The following CDH22 variants were observed in gnomAD, a reference collection of about 807,000 sequenced individuals.
CDH22 encodes the protein cadherin-22.
Under a neutral mutation model 58.4 loss-of-function variants are expected in CDH22, and 30 were observed. That is an observed-to-expected ratio of 0.51 (90% CI 0.38 to 0.70). The LOEUF is 0.70. CDH22 is among the 30% of genes least tolerant of loss of function. The probability of loss-of-function intolerance (pLI) is 0.00; values close to 1 mark genes in which losing one functional copy is unlikely to be tolerated. For synonymous variants in CDH22, 513 were observed against 558.2 expected, an observed-to-expected ratio of 0.92 and a Z score of 1.14; for missense variants, 1,014 against 1,233.9, an observed-to-expected ratio of 0.82 and a Z score of 2.67.
At chr20:46,230,494 C>T (rs1195275666) in intron 3 of CDH22, among the ~76,000 whole-genome samples, 1 of 152,152 alleles carries the variant, frequency 6.6e-6, no homozygotes, top group African/African-American at 2.4e-5. Context: ...GCACCATCCC[C>T]ATTTCACAGC....
intron 7 of CDH22, among the ~76,000 whole-genome samples, chr20:46,204,219 T>A (rs2085981737): frequency 6.6e-6 from 1 of 151,628 alleles, no homozygotes; most frequent in African/African-American, 2.4e-5. Context: ...GTGGTGAAAC[T>A]CCGTCTCTAC....
At position 46,216,813 on chromosome 20, in the gene CDH22, A is replaced by G. The variant is rs1328061559; in HGVS notation, c.838+13T>C. 1.3e-6 allele frequency: 2 copies of G among 1,585,550 alleles called. No individual in the cohort carries two copies. Among genetic ancestry groups the G allele is most frequent in the Non-Finnish European group, 1.7e-6 (2 of 1,156,460 alleles). On this transcript the variant is annotated intron_variant, in intron 5 of 11. Coordinates refer to ENST00000537909, the MANE Select transcript of CDH22 (RefSeq NM_021248.3). This position sits in a 1 kb window ranked among gnomAD's most constrained non-coding sequence, Gnocchi z 5.3. ...CACACAGACGCGCCTTCCTCTGGGA[A>G]GGCCTCACTCACTCTGCGGGAAACG...
At position 46,174,520 on chromosome 20, in the gene CDH22, C is replaced by T. The variant is rs2085720274; in HGVS notation, c.2473G>A (p.Ala825Thr). The T allele has an allele frequency of 2.0e-6, 3 of 1,514,194 alleles. No homozygotes were observed. The highest frequency in any genetic ancestry group is 5.2e-5 in the East Asian group (2 of 38,462). The allele number at this position is 1,514,194 out of a possible 1,614,324, so 93.8% of individuals were successfully genotyped here. A position where few individuals can be genotyped will look rare whatever the true frequency, so the allele number is the denominator to read the frequency against. ...LYAGHRGDDE[A>T]QAS ...AGGGCGAGGGGCTAGGAGGCCTGGGCCTCGTCGTCCCCGCGGTGGCCGGCG... is the reference window on the plus strand; with the variant it reads ...AGGGCGAGGGGCTAGGAGGCCTGGGTCTCGTCGTCCCCGCGGTGGCCGGCG... The change falls in exon 12 of 12, where the codon GCC becomes ACC. Residue 825 changes from alanine (A) to threonine (T), a missense_variant. By Grantham distance (58) the Ala-to-Thr change is moderately conservative (BLOSUM62 0). Coordinates refer to ENST00000537909, the MANE Select transcript of CDH22 (RefSeq NM_021248.3). The surrounding 1 kb of genome is among the most constrained non-coding windows in gnomAD (Gnocchi z 4.4).
chr20:46,258,123 A>G (rs1006100137), intron 1 of CDH22, among the ~76,000 whole-genome samples: 53 of 152,042 alleles, frequency 3.5e-4, no homozygotes, highest in African/African-American at 1.2e-3. Context: ...CATTGGAGTT[A>G]GTGGGGCGGA....
rs375509274 is a variant in CDH22, at chr20:46,271,848, A to G, written c.-399-20155T>C. On this transcript the variant is annotated intron_variant, in intron 1 of 11. Transcript: ENST00000537909. Reference sequence around the variant, plus strand: ...GATGGTTTCCATTACCATCAATACTATAATGACTCCCAAGCTTAGTATCCT... The same window carrying G: ...GATGGTTTCCATTACCATCAATACTGTAATGACTCCCAAGCTTAGTATCCT... Among the ~76,000 whole-genome samples the G allele has an allele frequency of 1.1e-4, 17 of 151,990 alleles. No individual in the cohort carries two copies. The South Asian group carries it at 2.7e-3, about 24-fold the overall frequency.
chr20:46,284,814 G>C (rs6032749), intron 1 of CDH22, among the ~76,000 whole-genome samples: 2 of 152,312 alleles, frequency 1.3e-5, no homozygotes, highest in African/African-American at 4.8e-5. Context: ...GAGGCATGGA[G>C]GGGATGACTT....
At chr20:46,292,916 T>TTG (rs74176860) in intron 1 of CDH22, among the ~76,000 whole-genome samples, 35,334 of 143,624 alleles carry the variant, frequency 0.25, 4,847 homozygotes, top group East Asian at 0.39. Context: ...CAGCCACTGG[T>TTG]TGTGTGTGTG....
intron 8 of CDH22, among the ~76,000 whole-genome samples, chr20:46,194,461 C>T (rs1033812386): frequency 6.6e-6 from 1 of 152,226 alleles, no homozygotes; most frequent in Admixed American, 6.5e-5. Flanking sequence ...CATGGGGGAA[C>T]TCCCTTCCTT....
At chr20:46,222,932 T>C (rs1600703463) in intron 4 of CDH22, among the ~76,000 whole-genome samples, 1 of 152,206 alleles carries the variant, frequency 6.6e-6, no homozygotes, top group East Asian at 1.9e-4. Flanking sequence ...CAGCAGCTGC[T>C]AAATATAGAC....
intron 1 of CDH22, among the ~76,000 whole-genome samples, chr20:46,269,751 G>A (rs2086478320): frequency 6.6e-6 from 1 of 152,214 alleles, no homozygotes; most frequent in African/African-American, 2.4e-5. Flanking sequence ...AAACTGGCCT[G>A]TTGCTTTCAT....
chr20:46,232,094 G>A (rs1188144437), intron 3 of CDH22, among the ~76,000 whole-genome samples: 1 of 152,188 alleles, frequency 6.6e-6, no homozygotes, highest in East Asian at 1.9e-4. Flanking sequence ...TCATCTCTGT[G>A]TTGTTCTGAC....
At chr20:46,239,189 C>G (rs2086273775) in intron 3 of CDH22, among the ~76,000 whole-genome samples, 1 of 152,242 alleles carries the variant, frequency 6.6e-6, no homozygotes, top group African/African-American at 2.4e-5. Flanking sequence ...TGCCTTTTCA[C>G]TGCTGTGTTC....
intron 1 of CDH22, among the ~76,000 whole-genome samples, chr20:46,288,591 C>T (rs1365102722): frequency 6.6e-6 from 1 of 152,196 alleles, no homozygotes; most frequent in Non-Finnish European, 1.5e-5. Context: ...ACCCGGACTC[C>T]TGAGTCCTAC....
At chr20:46,287,089 A>T (rs964743481) in intron 1 of CDH22, among the ~76,000 whole-genome samples, 1 of 152,146 alleles carries the variant, frequency 6.6e-6, no homozygotes, top group African/African-American at 2.4e-5. Context: ...ATGGAATTTA[A>T]TATCAAGCAG....
At chr20:46,265,482 C>G (rs1600721420) in intron 1 of CDH22, among the ~76,000 whole-genome samples, 1 of 152,312 alleles carries the variant, frequency 6.6e-6, no homozygotes, top group East Asian at 1.9e-4. Flanking sequence ...CTCAGAAGCT[C>G]CTACTGTGTG....
At chr20:46,232,701 G>A (rs2086227899) in intron 3 of CDH22, among the ~76,000 whole-genome samples, 2 of 152,100 alleles carry the variant, frequency 1.3e-5, no homozygotes, top group African/African-American at 4.8e-5. Context: ...ACCACTTGTC[G>A]AGTCTCTGGG....
chr20:46,187,718 C>T lies in CDH22; in HGVS notation c.1424-771G>A, dbSNP rs73908638. On this transcript the variant is annotated intron_variant, in intron 8 of 11. Coordinates refer to ENST00000537909, the MANE Select transcript of CDH22 (RefSeq NM_021248.3). Reference sequence around the variant, plus strand: ...ATAATCACCAATATTACCATCACATCCCTGGCCCCCAACAACACTGTCATC... The same window carrying T: ...ATAATCACCAATATTACCATCACATTCCTGGCCCCCAACAACACTGTCATC... Among the ~76,000 whole-genome samples the T allele has an allele frequency of 7.5e-3, 1,146 of 151,838 alleles. 15 individuals carry two copies. The highest frequency in any genetic ancestry group is 0.026 in the African/African-American group (1,096 of 41,376).
intron 1 of CDH22, among the ~76,000 whole-genome samples, chr20:46,275,306 C>T (rs774823906): frequency 5.3e-5 from 8 of 152,148 alleles, no homozygotes; most frequent in African/African-American, 1.4e-4. Context: ...AGTAGCTGTT[C>T]GCCAAGTCTG....
Position 46,174,516 on chromosome 20 carries a change from TG to T in CDH22, c.2476del (p.Gln826ArgfsTer78). ...YAGHRGDDEAQAS is the reference protein window; with the variant it reads ...YAGHRGDDEAXAS Reference sequence around the variant, plus strand: ...CGGCAGGGCGAGGGGCTAGGAGGCCTGGGCCTCGTCGTCCCCGCGGTGGCCG... The same window carrying T: ...CGGCAGGGCGAGGGGCTAGGAGGCCTGGCCTCGTCGTCCCCGCGGTGGCCG... On this transcript the variant is annotated frameshift_variant, in exon 12 of 12. Transcript: ENST00000537909. LOFTEE classifies it high-confidence loss of function. The surrounding 1 kb of genome is among the most constrained non-coding windows in gnomAD (Gnocchi z 4.4). 1 of 1,512,650 alleles carries T rather than the reference TG, an allele frequency of 6.6e-7. No individual in the cohort carries two copies. The highest frequency in any genetic ancestry group is 8.8e-7 in the Non-Finnish European group (1 of 1,137,026). 93.7% of individuals were successfully genotyped at this position (1,512,650 alleles called of 1,614,324 possible).
Sources: gnomAD v4.1 joint callset for allele counts (sites outside exome capture counted in the v4.1 genomes callset) on GRCh38, gnomAD v4.1.1 for gene constraint, Gnocchi (gnomAD v3.1) non-coding constraint, MANE v1.5 for transcripts, NCBI Gene and HGNC (gene_info 2026-07-23, HGNC 2026-07-21) for gene names.